The following TCF4 variants were observed in gnomAD, a reference collection of about 807,000 sequenced individuals.
The protein encoded by TCF4 is transcription factor 4, also known as SL3-3 enhancer factor 2.
In TCF4, 3 loss-of-function variants were observed where a neutral mutation model predicts 82.1. That is an observed-to-expected ratio of 0.04 (90% confidence interval 0.02 to 0.09). The LOEUF (loss-of-function observed/expected upper bound fraction) is 0.09, where lower values mean the gene tolerates loss of function less well. Among genes scored for constraint, TCF4 ranks in the 10% least tolerant of loss-of-function variants. The pLI is 1.00. For synonymous variants in TCF4, 276 were observed against 309.6 expected, an observed-to-expected ratio of 0.89 and a Z score of 1.14; for missense variants, 518 against 852.7, an observed-to-expected ratio of 0.61 and a Z score of 4.89.
intron 18 of TCF4, 102 bp downstream of exon 18, chr18:55,228,745 A>G (rs968464011): frequency 1.7e-6 from 2 of 1,198,822 alleles, no homozygotes; most frequent in African/African-American, 3.0e-5. Flanking sequence ...ATGATGCTTG[A>G]AAGTCTACTG....
At chr18:55,373,283 A>G (rs2089840288) in intron 6 of TCF4, among the ~76,000 whole-genome samples, 1 of 151,992 alleles carries the variant, frequency 6.6e-6, no homozygotes, top group African/African-American at 2.4e-5. Flanking sequence ...GCAAAAATGT[A>G]AAAAAAGAAA....
intron 6 of TCF4, chr18:55,401,777 C>T: frequency 3.0e-6 from 3 of 985,814 alleles, no homozygotes; most frequent in Non-Finnish European, 2.4e-6. Context: ...CACGCCAATT[C>T]CTATTAGTAA....
intron 6 of TCF4, among the ~76,000 whole-genome samples, chr18:55,377,832 G>A (rs931269636): frequency 2.0e-5 from 3 of 152,170 alleles, no homozygotes; most frequent in Non-Finnish European, 4.4e-5. Flanking sequence ...ATTACTTTGT[G>A]AAACAAGACA....
intron 5 of TCF4, among the ~76,000 whole-genome samples, chr18:55,432,423 G>T (rs949109110): frequency 3.7e-5 from 5 of 133,684 alleles, no homozygotes; most frequent in Non-Finnish European, 8.1e-5. Context: ...TAGCCCCACT[G>T]AAGACTTACT....
chr18:55,433,415 G>A (rs2095254912), intron 5 of TCF4, among the ~76,000 whole-genome samples: 1 of 152,170 alleles, frequency 6.6e-6, no homozygotes, highest in Non-Finnish European at 1.5e-5. Flanking sequence ...AACATGTATG[G>A]GCTTTAGCAA....
At chr18:55,529,714 G>A (rs916750879) in intron 3 of TCF4, among the ~76,000 whole-genome samples, 2 of 152,086 alleles carry the variant, frequency 1.3e-5, no homozygotes, top group East Asian at 1.9e-4. Context: ...GCAACTCCGC[G>A]ATGGCTACAG....
chr18:55,472,829 G>A (rs961661124), intron 3 of TCF4, among the ~76,000 whole-genome samples: 1 of 152,110 alleles, frequency 6.6e-6, no homozygotes, highest in Non-Finnish European at 1.5e-5. Context: ...TTGCAAGGAA[G>A]TTTTTAAGTA....
chr18:55,446,332 GA>G (rs1208316855), intron 5 of TCF4, among the ~76,000 whole-genome samples: 6 of 152,076 alleles, frequency 3.9e-5, no homozygotes, highest in Non-Finnish European at 7.4e-5. Flanking sequence ...AAATGAAGGG[GA>G]AAAACCCCTT....
intron 8 of TCF4, chr18:55,321,657 C>G (rs1192153203): frequency 6.5e-7 from 1 of 1,536,130 alleles, no homozygotes; most frequent in Non-Finnish European, 8.7e-7. Flanking sequence ...CCTCGCAGCC[C>G]GCATTCGCTT....
At chr18:55,229,861 C>G (rs1001607121) in intron 17 of TCF4, 1 of 152,322 alleles carries the variant, frequency 6.6e-6, no homozygotes, top group Non-Finnish European at 1.5e-5. Context: ...AAACCAAACA[C>G]CTGCAGCTTA....
chr18:55,585,374 T>C, intron 2 of TCF4, 22 bp from the exon 3 acceptor site: 1 of 1,608,824 alleles, frequency 6.2e-7, no homozygotes, highest in Non-Finnish European at 8.5e-7. Flanking sequence ...AAAGAAATAT[T>C]ACAGTTGAAA....
At chr18:55,319,714 G>A (rs1028667899) in intron 8 of TCF4, among the ~76,000 whole-genome samples, 3 of 151,906 alleles carry the variant, frequency 2.0e-5, no homozygotes, top group Admixed American at 1.3e-4. Context: ...AAAATATTTG[G>A]CAACTGAGAG....
At chr18:55,311,887 C>T (rs961267376) in intron 8 of TCF4, among the ~76,000 whole-genome samples, 2 of 152,184 alleles carry the variant, frequency 1.3e-5, no homozygotes, top group Non-Finnish European at 2.9e-5. Context: ...TTATCTATTA[C>T]TGTCTAGTTA....
intron 3 of TCF4, among the ~76,000 whole-genome samples, chr18:55,568,645 G>A (rs1292838416): frequency 6.6e-6 from 1 of 151,788 alleles, no homozygotes; most frequent in East Asian, 1.9e-4. Flanking sequence ...TCTTATACTA[G>A]GACCAATTTT....
chr18:55,258,764 C>T (rs1350878073), intron 13 of TCF4, among the ~76,000 whole-genome samples: 1 of 152,080 alleles, frequency 6.6e-6, no homozygotes, highest in East Asian at 1.9e-4. Flanking sequence ...CTTGTTGTCT[C>T]GAAAGGGGGT....
At chr18:55,235,028 C>CAT (rs1354732514) in intron 15 of TCF4, among the ~76,000 whole-genome samples, 1 of 152,164 alleles carries the variant, frequency 6.6e-6, no homozygotes, top group African/African-American at 2.4e-5. Flanking sequence ...TCTTAATGCC[C>CAT]ATATGCTTAA....
chr18:55,320,767 A>G (rs1297605857), intron 8 of TCF4: 1 of 152,286 alleles, frequency 6.6e-6, no homozygotes, highest in Non-Finnish European at 1.5e-5. Context: ...CTTCTTTTCT[A>G]TTTTAAAACA....
At chr18:55,445,288 A>G (rs1412840314) in intron 5 of TCF4, among the ~76,000 whole-genome samples, 1 of 152,082 alleles carries the variant, frequency 6.6e-6, no homozygotes, top group Non-Finnish European at 1.5e-5. Flanking sequence ...GCATTTTTAT[A>G]CTGCTATGAA....
At chr18:55,386,697 T>G (rs928412307) in intron 6 of TCF4, among the ~76,000 whole-genome samples, 2 of 152,226 alleles carry the variant, frequency 1.3e-5, no homozygotes, top group Admixed American at 1.3e-4. Context: ...AGCCCTACTC[T>G]TCCCCATGCA....
Sources: gnomAD v4.1 joint callset for allele counts (sites outside exome capture counted in the v4.1 genomes callset) on GRCh38, gnomAD v4.1.1 for gene constraint, MANE v1.5 for transcripts, NCBI Gene and HGNC (gene_info 2026-07-23, HGNC 2026-07-21) for gene names.